LRRC37A2: variants seen among roughly 807,000 people sequenced by gnomAD.
The protein encoded by LRRC37A2 is leucine-rich repeat-containing protein 37A2.
A neutral mutation model predicts 68.8 loss-of-function variants in LRRC37A2; 9 were observed. That is an observed-to-expected ratio of 0.13 (90% CI 0.08 to 0.23). The LOEUF (loss-of-function observed/expected upper bound fraction) is 0.23. LRRC37A2 is among the 10% of genes least tolerant of loss of function. The pLI is 1.00. For synonymous variants in LRRC37A2, 63 were observed against 367.6 expected (o/e 0.17, Z 9.48); for missense variants, 168 against 950.4 (o/e 0.18, Z 10.82).
At chr17:46,872,283 G>A in the LRRC37A2 span, among the ~76,000 whole-genome samples, 1 of 152,168 alleles carries the variant, frequency 6.6e-6, no homozygotes, top group Admixed American at 6.5e-5. Context: ...AGGAAAATAG[G>A]GTGGATAAGA....
chr17:46,739,392 A>AAG, the LRRC37A2 span, among the ~76,000 whole-genome samples: 2 of 149,716 alleles, frequency 1.3e-5, no homozygotes, highest in African/African-American at 4.9e-5. Context: ...AAAAAAAAAA[A>AAG]GCCAAGCATG....
At chr17:47,008,047 TAA>T in the LRRC37A2 span, among the ~76,000 whole-genome samples, 81 of 152,314 alleles carry the variant, frequency 5.3e-4, no homozygotes, top group African/African-American at 1.7e-3. Context: ...AAAATTTAAT[TAA>T]GTTTTCAAAA....
chr17:46,785,441 G>A, the LRRC37A2 span, among the ~76,000 whole-genome samples: 9 of 152,334 alleles, frequency 5.9e-5, no homozygotes, highest in African/African-American at 1.7e-4. Flanking sequence ...CCATGCACAC[G>A]GAGAAAAGAT....
At chr17:46,752,601 G>A in the LRRC37A2 span, among the ~76,000 whole-genome samples, 10 of 151,984 alleles carry the variant, frequency 6.6e-5, no homozygotes, top group East Asian at 1.9e-3. Context: ...GACTACCAGC[G>A]TGTGCTACCA....
chr17:46,851,828 A>G, the LRRC37A2 span: 1 of 500,142 alleles, frequency 2.0e-6, no homozygotes, highest in East Asian at 3.9e-5. The surrounding 1 kb of genome is among the most constrained non-coding windows in gnomAD (Gnocchi z 4.3). Flanking sequence ...CGAGGTCTCG[A>G]ACTCAGACCC....
chr17:46,923,180 C>A, the LRRC37A2 span: 1 of 1,530,750 alleles, frequency 6.5e-7, no homozygotes, highest in Non-Finnish European at 8.9e-7. Context: ...CCGTGGCCTG[C>A]GGGGCCGGCG....
the LRRC37A2 span, among the ~76,000 whole-genome samples, chr17:46,919,986 T>A: frequency 6.6e-6 from 1 of 151,984 alleles, no homozygotes; most frequent in Non-Finnish European, 1.5e-5. Context: ...ATTCCTATGA[T>A]CTCGTTCTAA....
At chr17:47,012,247 A>G in the LRRC37A2 span, among the ~76,000 whole-genome samples, 285 of 152,208 alleles carry the variant, frequency 1.9e-3, 2 homozygotes, top group African/African-American at 6.6e-3. Flanking sequence ...ATGAATTCCT[A>G]TTCCATTCAA....
the LRRC37A2 span, among the ~76,000 whole-genome samples, chr17:46,958,762 A>G: frequency 6.6e-6 from 1 of 152,234 alleles, no homozygotes; most frequent in Non-Finnish European, 1.5e-5. Context: ...AGGTTCTGGG[A>G]CATTTAAGTC....
the LRRC37A2 span, among the ~76,000 whole-genome samples, chr17:46,753,335 T>C: frequency 6.6e-6 from 1 of 152,244 alleles, no homozygotes; most frequent in African/African-American, 2.4e-5. Context: ...AAACGTGAAG[T>C]GAATGCTTTT....
At chr17:46,708,824 T>A in the LRRC37A2 span, among the ~76,000 whole-genome samples, 2,963 of 57,834 alleles carry the variant, frequency 0.051, 76 homozygotes, top group African/African-American at 0.15. Context: ...ATATATATAT[T>A]TTTTTTTTTT....
At chr17:47,022,328 AC>A in the LRRC37A2 span, among the ~76,000 whole-genome samples, 1 of 146,830 alleles carries the variant, frequency 6.8e-6, no homozygotes. Flanking sequence ...ATGCCACCAC[AC>A]CCACCTAATT....
chr17:46,813,429 T>C, the LRRC37A2 span, among the ~76,000 whole-genome samples: 1 of 134,850 alleles, frequency 7.4e-6, no homozygotes, highest in African/African-American at 2.9e-5. Flanking sequence ...CAAGATAACA[T>C]GGATGTACAG....
chr17:46,979,148 G>T, the LRRC37A2 span: 1 of 935,966 alleles, frequency 1.1e-6, no homozygotes, highest in Non-Finnish European at 1.4e-6. Context: ...GAGGCTGGCT[G>T]CCTGCGCGCT....
the LRRC37A2 span, among the ~76,000 whole-genome samples, chr17:46,958,076 G>A: frequency 3.3e-5 from 5 of 152,142 alleles, 1 homozygote; most frequent in Admixed American, 2.0e-4. Context: ...CACCTCACCC[G>A]TAACCCATGG....
the LRRC37A2 span, among the ~76,000 whole-genome samples, chr17:46,887,765 AAAAG>A: frequency 4.7e-3 from 716 of 150,792 alleles, 7 homozygotes; most frequent in African/African-American, 0.016. Flanking sequence ...CTCCCTGTCC[AAAAG>A]AAAGAAAGAA....
intron 6 of LRRC37A2, among the ~76,000 whole-genome samples, chr17:46,532,196 G>A (rs1308460311): frequency 1.3e-5 from 2 of 148,614 alleles, no homozygotes; most frequent in East Asian, 2.0e-4. Context: ...ACCATGCCCA[G>A]CCAATAAATG....
At chr17:46,877,127 G>A in the LRRC37A2 span, 1 of 976,282 alleles carries the variant, frequency 1.0e-6, no homozygotes, top group East Asian at 1.1e-4. Context: ...GGCTAGGAAT[G>A]CCAAGGCAGG....
chr17:46,967,505 G>A, the LRRC37A2 span, among the ~76,000 whole-genome samples: 1 of 152,220 alleles, frequency 6.6e-6, no homozygotes, highest in Non-Finnish European at 1.5e-5. Context: ...TGGAGGGTAA[G>A]TAGTTCTCAA....
Sources: gnomAD v4.1 joint callset for allele counts (sites outside exome capture counted in the v4.1 genomes callset) on GRCh38, gnomAD v4.1.1 for gene constraint, Gnocchi (gnomAD v3.1) non-coding constraint, MANE v1.5 for transcripts, NCBI Gene and HGNC (gene_info 2026-07-23, HGNC 2026-07-21) for gene names.